Variants in PADI4 observed in about 807,000 individuals in gnomAD.
The protein encoded by PADI4 is protein-arginine deiminase type-4.
In PADI4, 62 loss-of-function variants were observed where a neutral mutation model predicts 75.0. That is an observed-to-expected ratio of 0.83 (90% CI 0.67 to 1.02). PADI4 has a LOEUF of 1.02. Among genes scored for constraint, PADI4 ranks in the 50% least tolerant of loss-of-function variants. The pLI, the probability that PADI4 is intolerant of heterozygous loss-of-function variation, is 0.00. For synonymous variants in PADI4, 361 were observed against 348.1 expected (o/e 1.04, Z -0.41); for missense variants, 845 against 850.5 (o/e 0.99, Z 0.08).
chr1:17,323,700 G>A (rs1054188461), intron 1 of PADI4, among the ~76,000 whole-genome samples: 1 of 152,076 alleles, frequency 6.6e-6, no homozygotes, highest in African/African-American at 2.4e-5. Flanking sequence ...GGGTGTGATG[G>A]TGCACACCTG....
rs1344888302 is a variant in PADI4, at chr1:17,349,904, C to T, written c.1155+1856C>T. On this transcript the variant is annotated intron_variant, in intron 10 of 15. Transcript: ENST00000375448. ...CCTCCTTCCTGTTCTTCAAACTTGC[C>T]TAACGTTTCCCCACCTCACGGTCTT... Among the ~76,000 whole-genome samples, 4 of 123,754 alleles carry T rather than the reference C, an allele frequency of 3.2e-5. 1 individual carries two copies. Among genetic ancestry groups the T allele is most frequent in the African/African-American group, 5.1e-5 (2 of 39,034 alleles). 81.2% of individuals were successfully genotyped at this position (123,754 alleles called of 152,430 possible).
chr1:17,336,216 T>C lies in PADI4; in HGVS notation c.398T>C (p.Val133Ala). The change falls in exon 4 of 16, where the codon GTG (valine) becomes GCG (alanine). Residue 133 changes from valine to alanine, a missense_variant. Val to Ala is a moderately conservative substitution (Grantham distance 64, BLOSUM62 0). Transcript: ENST00000375448. ...RTGKVKPTRA[V>A]KDQRTWTWGP... ...GGCAAAGTGAAGCCAACCAGAGCTGTGAAAGATCAGGTACCACTCACCCAA... is the reference window on the plus strand; with the variant it reads ...GGCAAAGTGAAGCCAACCAGAGCTGCGAAAGATCAGGTACCACTCACCCAA... The C allele has an allele frequency of 7.4e-6, 12 of 1,613,500 alleles. No homozygotes were observed. The highest frequency in any genetic ancestry group is 1.0e-5 in the Non-Finnish European group (12 of 1,179,412).
intron 10 of PADI4, among the ~76,000 whole-genome samples, chr1:17,352,080 AGTCAGGGAGGTGATGGGAGGTG>A (rs1557577004): frequency 3.5e-5 from 4 of 114,560 alleles, no homozygotes; most frequent in South Asian, 2.6e-4. Flanking sequence ...GAAGAGAGGC[AGTCAGGGAGGTGATGGGAGGTG>A]GTAGGAGAGA....
At chr1:17,338,461 A>G (rs561792493) in intron 5 of PADI4, among the ~76,000 whole-genome samples, 18 of 152,270 alleles carry the variant, frequency 1.2e-4, no homozygotes, top group African/African-American at 4.3e-4. Flanking sequence ...GGAGCCTGAA[A>G]TCCTTCGAAA....
At position 17,346,102 on chromosome 1, in the gene PADI4, G is replaced by T; in HGVS notation, c.1010G>T (p.Cys337Phe). ...AAAGCCAAGTGCAAGCTGACCATCTGCCCTGAGGAGGAGAACATGGATGAC... is the reference window on the plus strand; with the variant it reads ...AAAGCCAAGTGCAAGCTGACCATCTTCCCTGAGGAGGAGAACATGGATGAC... Reference protein sequence around the residue: ...AMKAKCKLTICPEEENMDDQW... With the variant: ...AMKAKCKLTIFPEEENMDDQW... The change falls in exon 9 of 16, where the codon TGC becomes TTC. Residue 337 changes from cysteine (C) to phenylalanine (F), a missense_variant. Cys to Phe is a radical substitution (Grantham distance 205). Transcript: ENST00000375448. This position sits in a 1 kb window ranked among gnomAD's most constrained non-coding sequence, Gnocchi z 4.3. 6 of 1,613,800 alleles carry T rather than the reference G, an allele frequency of 3.7e-6. No homozygotes were observed. Among genetic ancestry groups the T allele is most frequent in the Non-Finnish European group, 5.1e-6 (6 of 1,179,640 alleles).
In PADI4 at chr1:17,360,293, G is replaced by GA. The variant is rs59638967; in HGVS notation, c.1758+900dup. 7.4e-3 allele frequency among the ~76,000 whole-genome samples: 965 copies of GA among 129,704 alleles called. 4 individuals carry two copies. Among genetic ancestry groups the GA allele is most frequent in the African/African-American group, 0.011 (395 of 35,758 alleles). 85.1% of individuals were successfully genotyped at this position (129,704 alleles called of 152,430 possible). A position where few individuals can be genotyped will look rare whatever the true frequency, so the allele number is the denominator to read the frequency against. On this transcript the variant is annotated intron_variant, in intron 15 of 15. Coordinates refer to ENST00000375448, the MANE Select transcript of PADI4 (RefSeq NM_012387.3). ...GTAACAGAGTGAGACTTTGTCTCGGGAAAAAAAAAAAAAAAGACAGTCATC... is the reference window on the plus strand; with the variant it reads ...GTAACAGAGTGAGACTTTGTCTCGGGAAAAAAAAAAAAAAAAGACAGTCATC...
chr1:17,333,876 A>T, intron 2 of PADI4, 67 bp from the exon 3 acceptor site: 1 of 1,234,814 alleles, frequency 8.1e-7, no homozygotes. Context: ...GCCGGCACAT[A>T]GGAGGGGGTC....
At chr1:17,345,920 T>C (rs2074506877) in intron 8 of PADI4, 108 bp from the exon 9 acceptor site, 3 of 667,122 alleles carry the variant, frequency 4.5e-6, no homozygotes, top group Non-Finnish European at 8.1e-6. Flanking sequence ...CAGGAGCCTC[T>C]GTTCAGGCCA....
chr1:17,347,821 G>A, intron 9 of PADI4, 120 bp from the exon 10 acceptor site: 1 of 539,878 alleles, frequency 1.9e-6, no homozygotes, highest in Non-Finnish European at 3.4e-6. Context: ...ACATCCCATA[G>A]GAATGTGCCC....
intron 10 of PADI4, among the ~76,000 whole-genome samples, chr1:17,352,151 A>G (rs866095172): frequency 0.016 from 1,953 of 123,234 alleles, 42 homozygotes; most frequent in African/African-American, 0.05. Context: ...TAGGAGAGGC[A>G]ATCAGGGAGG....
chr1:17,331,124 C>G lies in PADI4; in HGVS notation c.248C>G (p.Ala83Gly), dbSNP rs760231903. Residue 83 changes from alanine to glycine, a missense_variant, in exon 2 of 16, where the codon GCC (alanine) becomes GGC (glycine). Ala to Gly is a moderately conservative substitution (Grantham distance 60, BLOSUM62 0). Transcript: ENST00000375448. ...GVEVTLTMKV[A>G]SGSTGDQKVQ... is the part of the protein sequence containing the mutation. ...GAGGTGACCCTGACGATGAAAGTGG[C>G]CAGTGGTAGCACAGGCGACCAGAAG... 1.2e-6 allele frequency: 2 copies of G among 1,610,794 alleles called. No homozygotes were observed. Among genetic ancestry groups the G allele is most frequent in the African/African-American group, 2.7e-5 (2 of 74,736 alleles).
At chr1:17,359,244 C>T in intron 14 of PADI4, 36 bp from the exon 15 acceptor site, 1 of 640,998 alleles carries the variant, frequency 1.6e-6, no homozygotes, top group Non-Finnish European at 2.6e-6. Flanking sequence ...CGACTGCCAT[C>T]AGTCCCCCAC....
At chr1:17,344,454 A>T (rs555747688) in intron 8 of PADI4, among the ~76,000 whole-genome samples, 1 of 152,262 alleles carries the variant, frequency 6.6e-6, no homozygotes, top group Non-Finnish European at 1.5e-5. Context: ...ATTAATGTTA[A>T]GCCACAAGGC....
chr1:17,331,482 ATGAATG>A (rs2074211755), intron 2 of PADI4, among the ~76,000 whole-genome samples: 1 of 152,230 alleles, frequency 6.6e-6, no homozygotes, highest in South Asian at 2.1e-4. Context: ...CTTACAACCT[ATGAATG>A]GTAGCATCAG....
chr1:17,360,370 C>T (rs2074832350), intron 15 of PADI4, among the ~76,000 whole-genome samples: 1 of 151,848 alleles, frequency 6.6e-6, no homozygotes, highest in South Asian at 2.1e-4. Context: ...CTGGTGAGGA[C>T]TGATAGTAAT....
chr1:17,338,585 A>G lies in PADI4; in HGVS notation c.526+430A>G, dbSNP rs74058721. Among the ~76,000 whole-genome samples the G allele has an allele frequency of 2.9e-3, 437 of 152,326 alleles. 2 individuals carry two copies. The highest frequency in any genetic ancestry group is 1.0e-2 in the African/African-American group (414 of 41,568). On this transcript the variant is annotated intron_variant, in intron 5 of 15. Coordinates refer to ENST00000375448, the MANE Select transcript of PADI4 (RefSeq NM_012387.3). The stretch of plus-strand genomic sequence containing the variant: ...TTAACTCATCTGATCTTCCAACACA[A>G]ACCTTTATAGGTAGGAAAACCAAGG...
Position 17,341,395 on chromosome 1 carries a change from G to A in PADI4, c.653-548G>A, listed in dbSNP as rs72916892. On this transcript the variant is annotated intron_variant, in intron 6 of 15. Coordinates refer to ENST00000375448, the MANE Select transcript of PADI4 (RefSeq NM_012387.3). ...ATTACAGGCGTAAGCCACCACACCC[G>A]GCCTGTTTCATTCTTAAAGTGATTA... Among the ~76,000 whole-genome samples, 1,299 of 152,178 alleles carry A rather than the reference G, an allele frequency of 8.5e-3. 22 individuals are homozygous for A. The highest frequency in any genetic ancestry group is 0.029 in the African/African-American group (1,224 of 41,528).
intron 1 of PADI4, among the ~76,000 whole-genome samples, chr1:17,313,007 T>A (rs747606005): frequency 2.6e-5 from 4 of 151,538 alleles, no homozygotes; most frequent in Non-Finnish European, 4.4e-5. Context: ...CTGGCCAACA[T>A]GGTGAAACCC....
At chr1:17,311,585 C>T (rs1386173422) in intron 1 of PADI4, among the ~76,000 whole-genome samples, 1 of 151,304 alleles carries the variant, frequency 6.6e-6, no homozygotes, top group Non-Finnish European at 1.5e-5. Context: ...AGTGCAGTGG[C>T]AAGATCTTGG....
Sources: gnomAD v4.1 joint callset for allele counts (sites outside exome capture counted in the v4.1 genomes callset) on GRCh38, gnomAD v4.1.1 for gene constraint, Gnocchi (gnomAD v3.1) non-coding constraint, MANE v1.5 for transcripts, NCBI Gene and HGNC (gene_info 2026-07-23, HGNC 2026-07-21) for gene names.